SEMA6D: variants seen among roughly 807,000 people sequenced by gnomAD.
The protein encoded by SEMA6D is semaphorin-6D.
In SEMA6D, 35 loss-of-function variants were observed where a neutral mutation model predicts 106.6. That is an observed-to-expected ratio of 0.33 (90% CI 0.25 to 0.44). The LOEUF (loss-of-function observed/expected upper bound fraction) is 0.44, where lower values mean the gene tolerates loss of function less well. Among genes scored for constraint, SEMA6D ranks in the 20% least tolerant of loss-of-function variants. The pLI is 1.00. For synonymous variants in SEMA6D, 499 were observed against 487.7 expected, an observed-to-expected ratio of 1.02 and a Z score of -0.31; for missense variants, 1,185 against 1,345.9, an observed-to-expected ratio of 0.88 and a Z score of 1.87.
upstream of SEMA6D, among the ~76,000 whole-genome samples, chr15:47,715,006 G>A (rs968390887): frequency 2.0e-5 from 3 of 152,296 alleles, no homozygotes; most frequent in Admixed American, 6.5e-5. Context: ...ACTTAATTAC[G>A]TAAGTGAACT....
chr15:47,420,334 A>G (rs2041112340), intron 2 of SEMA6D, among the ~76,000 whole-genome samples: 2 of 152,004 alleles, frequency 1.3e-5, no homozygotes, highest in African/African-American at 4.8e-5. Flanking sequence ...TTCTTTTGTG[A>G]TCTTTGCTGT....
intron 9 of SEMA6D, among the ~76,000 whole-genome samples, chr15:47,763,472 T>C (rs1392449678): frequency 6.6e-6 from 1 of 152,200 alleles, no homozygotes; most frequent in Non-Finnish European, 1.5e-5. Context: ...ATTCAATTTT[T>C]AGTGTTTCAG....
At chr15:47,433,591 A>C (rs2041607991) in intron 2 of SEMA6D, among the ~76,000 whole-genome samples, 1 of 152,142 alleles carries the variant, frequency 6.6e-6, no homozygotes, top group Admixed American at 6.6e-5. Flanking sequence ...TTATTTTATC[A>C]GAATCTTTTT....
chr15:47,357,127 G>C (rs773757541), intron 1 of SEMA6D, among the ~76,000 whole-genome samples: 1 of 151,994 alleles, frequency 6.6e-6, no homozygotes, highest in Non-Finnish European at 1.5e-5. Context: ...GAGGTCAGGA[G>C]ATCGAGACCA....
intron 1 of SEMA6D, among the ~76,000 whole-genome samples, chr15:47,239,532 T>C (rs1373644898): frequency 6.6e-6 from 1 of 152,144 alleles, no homozygotes; most frequent in Non-Finnish European, 1.5e-5. Flanking sequence ...CCCATATTAT[T>C]CTAAAGAGCA....
intron 1 of SEMA6D, among the ~76,000 whole-genome samples, chr15:47,338,596 G>A (rs763227156): frequency 9.9e-5 from 15 of 152,184 alleles, no homozygotes; most frequent in Non-Finnish European, 1.8e-4. Context: ...AACCTGAGTA[G>A]CCTCACCCTG....
At chr15:47,515,182 C>T (rs961844822) in intron 3 of SEMA6D, among the ~76,000 whole-genome samples, 5 of 152,272 alleles carry the variant, frequency 3.3e-5, no homozygotes, top group African/African-American at 1.2e-4. Flanking sequence ...AACTCCCTCA[C>T]CTCCTTCAAG....
intron 4 of SEMA6D, among the ~76,000 whole-genome samples, chr15:47,683,665 A>G (rs1277110148): frequency 6.6e-6 from 1 of 152,134 alleles, no homozygotes; most frequent in Non-Finnish European, 1.5e-5. Flanking sequence ...TTGTATTGAT[A>G]TTTACCCTGT....
chr15:47,706,166 A>C (rs1375520836), intron 4 of SEMA6D, among the ~76,000 whole-genome samples: 3 of 152,204 alleles, frequency 2.0e-5, no homozygotes, highest in Non-Finnish European at 2.9e-5. Flanking sequence ...TGGCATATTA[A>C]ATATTCATCA....
intron 1 of SEMA6D, among the ~76,000 whole-genome samples, chr15:47,218,179 T>C (rs1292303487): frequency 1.3e-5 from 2 of 152,198 alleles, no homozygotes; most frequent in Non-Finnish European, 2.9e-5. Flanking sequence ...TCAGAGATGC[T>C]GTAAGAATTG....
chr15:47,316,264 A>G lies in SEMA6D; in HGVS notation c.-238-96129A>G, dbSNP rs896425844. ...CCCGCCACCACGCCTAGCTAATTGT[A>G]TATTTTTATTGGAGACAGGGTTTCA... On this transcript the variant is annotated intron_variant, in intron 1 of 19. Transcript: ENST00000558014. Among the ~76,000 whole-genome samples, 2 of 151,206 alleles carry G rather than the reference A, an allele frequency of 1.3e-5. 1 individual carries two copies. The highest frequency in any genetic ancestry group is 3.0e-5 in the Non-Finnish European group (2 of 67,796).
intron 3 of SEMA6D, among the ~76,000 whole-genome samples, chr15:47,477,447 G>C (rs2043033988): frequency 6.6e-6 from 1 of 152,078 alleles, no homozygotes; most frequent in African/African-American, 2.4e-5. Context: ...AGCAGGGAAA[G>C]ATCAAGAATG....
upstream of SEMA6D, among the ~76,000 whole-genome samples, chr15:47,713,313 G>A (rs2079054646): frequency 6.6e-6 from 1 of 152,116 alleles, no homozygotes; most frequent in East Asian, 1.9e-4. Flanking sequence ...TGCTGTGGTG[G>A]TATACTATCA....
At chr15:47,629,767 T>C (rs187437959) in intron 4 of SEMA6D, among the ~76,000 whole-genome samples, 1 of 152,032 alleles carries the variant, frequency 6.6e-6, no homozygotes, top group Non-Finnish European at 1.5e-5. Flanking sequence ...AGATCAAGTT[T>C]TTGGCTCCCA....
Position 47,192,283 on chromosome 15 carries a change from C to T in SEMA6D, c.-239+7865C>T, listed in dbSNP as rs557490632. Among the ~76,000 whole-genome samples the T allele has an allele frequency of 5.3e-5, 8 of 152,304 alleles. No homozygotes were observed. The East Asian group carries it at 1.5e-3, about 29-fold the overall frequency. The stretch of plus-strand genomic sequence containing the variant: ...CTCACTGCCACATCTATCCATCTAC[C>T]AGCACCTGCTCCCACATAATCTACC... On this transcript the variant is annotated intron_variant, in intron 1 of 19. Coordinates refer to the SEMA6D transcript ENST00000558014.
chr15:47,445,842 C>T (rs771172116), intron 2 of SEMA6D, among the ~76,000 whole-genome samples: 13 of 152,160 alleles, frequency 8.5e-5, no homozygotes, highest in East Asian at 5.8e-4. Flanking sequence ...TGACAAATAT[C>T]GCCACTTTCA....
At chr15:47,375,288 G>A (rs775012416) in intron 1 of SEMA6D, among the ~76,000 whole-genome samples, 3 of 152,126 alleles carry the variant, frequency 2.0e-5, no homozygotes, top group African/African-American at 4.8e-5. Flanking sequence ...GAACAACTAC[G>A]ATCTTGGGAA....
chr15:47,677,399 A>G (rs1240121006), intron 4 of SEMA6D, among the ~76,000 whole-genome samples: 2 of 152,156 alleles, frequency 1.3e-5, no homozygotes, highest in African/African-American at 4.8e-5. Context: ...AGAAGCTGCT[A>G]AGATCCCTCA....
intron 13 of SEMA6D, 131 bp from the exon 14 acceptor site, chr15:47,765,738 T>G: frequency 1.2e-6 from 1 of 816,944 alleles, no homozygotes; most frequent in Non-Finnish European, 1.7e-6. Context: ...AATTATTATT[T>G]CCCAAGCTAT....
Sources: gnomAD v4.1 joint callset for allele counts (sites outside exome capture counted in the v4.1 genomes callset) on GRCh38, gnomAD v4.1.1 for gene constraint, MANE v1.5 for transcripts, NCBI Gene and HGNC (gene_info 2026-07-23, HGNC 2026-07-21) for gene names.